SEC11A: variants seen among roughly 807,000 people sequenced by gnomAD.
The protein encoded by SEC11A is signal peptidase complex catalytic subunit SEC11A.
Under a neutral mutation model 25.6 loss-of-function variants are expected in SEC11A, and 14 were observed. The observed-to-expected ratio is 0.55, with a 90% CI of 0.36 to 0.85. SEC11A has a LOEUF of 0.85. Among genes scored for constraint, SEC11A ranks in the 40% least tolerant of loss-of-function variants. The pLI is 0.01. For missense variants in SEC11A, 153 were observed against 222.9 expected (o/e 0.69, Z 2.00); for synonymous variants, 83 against 76.4 (o/e 1.09, Z -0.45).
intron 4 of SEC11A, among the ~76,000 whole-genome samples, chr15:84,674,451 C>T (rs753061536): frequency 2.6e-5 from 4 of 152,062 alleles, no homozygotes; most frequent in African/African-American, 9.7e-5. Context: ...CATTCTAATA[C>T]ACAGAGACTC....
At chr15:84,674,259 GTTAT>G (rs1442676790) in intron 4 of SEC11A, among the ~76,000 whole-genome samples, 7 of 151,156 alleles carry the variant, frequency 4.6e-5, no homozygotes, top group African/African-American at 1.7e-4. Flanking sequence ...TGCAGTAACT[GTTAT>G]TTCTTTTGTC....
At chr15:84,682,508 G>A (rs1292317816) in intron 3 of SEC11A, among the ~76,000 whole-genome samples, 1 of 152,100 alleles carries the variant, frequency 6.6e-6, no homozygotes, top group Non-Finnish European at 1.5e-5. Flanking sequence ...GAGTGCAATG[G>A]CATGATCTCG....
At chr15:84,712,920 C>T (rs865984282) in intron 1 of SEC11A, among the ~76,000 whole-genome samples, 23 of 152,040 alleles carry the variant, frequency 1.5e-4, no homozygotes, top group African/African-American at 5.3e-4. Flanking sequence ...AAAAACTTAT[C>T]GGCCGGCCGG....
intron 1 of SEC11A, among the ~76,000 whole-genome samples, chr15:84,707,535 C>T (rs1034706456): frequency 6.6e-6 from 1 of 152,098 alleles, no homozygotes; most frequent in Non-Finnish European, 1.5e-5. Flanking sequence ...CATAGTAGTT[C>T]TTCTTCCCAG....
At chr15:84,679,579 GGTTCT>G (rs1897231298) in intron 4 of SEC11A, among the ~76,000 whole-genome samples, 1 of 152,220 alleles carries the variant, frequency 6.6e-6, no homozygotes, top group African/African-American at 2.4e-5. Flanking sequence ...AAGGAGCAGA[GGTTCT>G]GACAGTGGCA....
rs184843758 is a variant in SEC11A at position 84,672,832 on chromosome 15, T to G, written c.432-2050A>C. 3.0e-3 allele frequency: 619 copies of G among 207,328 alleles called. 3 individuals carry two copies. Among genetic ancestry groups the G allele is most frequent in the African/African-American group, 0.014 (581 of 40,264 alleles). The allele number at this position is 207,328 out of a possible 1,614,324, so 12.8% of individuals were successfully genotyped here. On this transcript the variant is annotated intron_variant, in intron 4 of 5. Transcript: ENST00000268220. ...CTAGGAAATGAGGAGCGTCTCTGCCTGGCCGCCCATCGTCTGAGATGTGGG... is the reference window on the plus strand; with the variant it reads ...CTAGGAAATGAGGAGCGTCTCTGCCGGGCCGCCCATCGTCTGAGATGTGGG...
At chr15:84,711,765 G>C (rs1395386261) in intron 1 of SEC11A, among the ~76,000 whole-genome samples, 2 of 112,454 alleles carry the variant, frequency 1.8e-5, no homozygotes, top group African/African-American at 7.5e-5. Context: ...TGACAGAATA[G>C]AGCGAGACTC....
rs77498816 is a variant in SEC11A, at chr15:84,704,599, C to A, written c.51+11426G>T. 8.9e-3 allele frequency among the ~76,000 whole-genome samples: 1,358 copies of A among 152,266 alleles called. 25 individuals are homozygous for A. The highest frequency in any genetic ancestry group is 0.031 in the African/African-American group (1,289 of 41,534). On this transcript the variant is annotated intron_variant, in intron 1 of 5. Coordinates refer to ENST00000268220, the MANE Select transcript of SEC11A (RefSeq NM_014300.4). ...CAACATGATTTTATTCCACCTGATA[C>A]CCAGTGGGTCTGTGTGTTGGAAGCC...
Position 84,669,951 on chromosome 15 carries a change from C to T in SEC11A, c.*68G>A. ...GTTCTCCATTCCACCAATCACAGAC[C>T]AGTATCTACTCCAAACATCCAGTAA... On this transcript the variant is annotated 3_prime_UTR_variant, in exon 6 of 6. Transcript: ENST00000268220. 1.2e-6 allele frequency: 2 copies of T among 1,609,618 alleles called. No individual in the cohort carries two copies. Among genetic ancestry groups the T allele is most frequent in the Non-Finnish European group, 1.7e-6 (2 of 1,178,176 alleles).
At chr15:84,714,300 CACCGCACCCAGTCT>C (rs1477456286) in intron 1 of SEC11A, among the ~76,000 whole-genome samples, 1 of 152,206 alleles carries the variant, frequency 6.6e-6, no homozygotes, top group Non-Finnish European at 1.5e-5. Flanking sequence ...AGGCGTGAGC[CACCGCACCCAGTCT>C]ACCTTCTGTC....
intron 1 of SEC11A, among the ~76,000 whole-genome samples, chr15:84,698,909 A>G (rs1897841700): frequency 6.6e-6 from 1 of 152,276 alleles, no homozygotes; most frequent in African/African-American, 2.4e-5. Flanking sequence ...AGCATTTCAG[A>G]TAACAGATAC....
intron 2 of SEC11A, among the ~76,000 whole-genome samples, chr15:84,688,761 T>C (rs1897504521): frequency 6.6e-6 from 1 of 152,194 alleles, no homozygotes; most frequent in Non-Finnish European, 1.5e-5. Flanking sequence ...CCAGGTGCGG[T>C]GGCTCACACC....
Position 84,716,086 on chromosome 15 carries a change from G to T in SEC11A, c.-11C>A, listed in dbSNP as rs1898459622. The T allele has an allele frequency of 6.2e-7, 1 of 1,613,416 alleles. No individual in the cohort carries two copies. Among genetic ancestry groups the T allele is most frequent in the Non-Finnish European group, 8.5e-7 (1 of 1,179,608 alleles). On this transcript the variant is annotated 5_prime_UTR_variant, in exon 1 of 6. Transcript: ENST00000268220. ...GTCTAGAGACAGCATGGCGGGGACGGCGAGCAGGACACCGGCAGGGGAAAG... is the reference window on the plus strand; with the variant it reads ...GTCTAGAGACAGCATGGCGGGGACGTCGAGCAGGACACCGGCAGGGGAAAG...
intron 4 of SEC11A, chr15:84,671,512 T>C (rs1184841920): frequency 6.6e-6 from 1 of 152,200 alleles, no homozygotes; most frequent in Non-Finnish European, 1.5e-5. Flanking sequence ...CTCATGCCCC[T>C]AAAGTTTTTC....
chr15:84,703,114 G>C (rs920535781), intron 1 of SEC11A, among the ~76,000 whole-genome samples: 3 of 152,128 alleles, frequency 2.0e-5, no homozygotes, highest in Admixed American at 1.3e-4. Flanking sequence ...TTGGGATTGG[G>C]GACAAAGCTA....
intron 3 of SEC11A, among the ~76,000 whole-genome samples, 175 bp from the exon 4 acceptor site, chr15:84,681,007 C>T (rs888507254): frequency 2.6e-5 from 4 of 151,920 alleles, no homozygotes; most frequent in East Asian, 1.9e-4. Context: ...TGTTCATAAA[C>T]GACTAAAAAC....
At position 84,691,579 on chromosome 15, in the gene SEC11A, T is replaced by C. The variant is rs762942495; in HGVS notation, c.117A>G (p.Leu39=). The C allele has an allele frequency of 6.2e-7, 1 of 1,613,026 alleles. No individual in the cohort carries two copies. Among genetic ancestry groups the C allele is most frequent in the Non-Finnish European group, 8.5e-7 (1 of 1,179,284 alleles). ...VSSALMIWKG[L]MVITGSESPI... ...GACTTTCACTTCCAGTTATTACCAT[T>C]AACCCCTTCCAGATCATTAGTGCCG... The change falls in exon 2 of 6, where the codon TTA becomes TTG. Residue 39 remains leucine, a synonymous_variant. Coordinates refer to ENST00000268220, the MANE Select transcript of SEC11A (RefSeq NM_014300.4).
intron 3 of SEC11A, among the ~76,000 whole-genome samples, chr15:84,684,867 G>T (rs1465253095): frequency 6.6e-6 from 1 of 152,124 alleles, no homozygotes; most frequent in Non-Finnish European, 1.5e-5. Flanking sequence ...AGAAGGCAGA[G>T]GTTGCAGTGA....
intron 1 of SEC11A, among the ~76,000 whole-genome samples, chr15:84,701,803 C>T (rs1398335586): frequency 1.3e-5 from 2 of 152,164 alleles, no homozygotes; most frequent in Non-Finnish European, 2.9e-5. Flanking sequence ...GGCACAGTGG[C>T]TCACACCTGT....
Sources: gnomAD v4.1 joint callset for allele counts (sites outside exome capture counted in the v4.1 genomes callset) on GRCh38, gnomAD v4.1.1 for gene constraint, MANE v1.5 for transcripts, NCBI Gene and HGNC (gene_info 2026-07-23, HGNC 2026-07-21) for gene names.